The following PPP2R3A variants were observed in gnomAD, a reference collection of about 807,000 sequenced individuals.
PPP2R3A encodes serine/threonine-protein phosphatase 2A regulatory subunit B'' subunit alpha.
In PPP2R3A, 80 loss-of-function variants were observed where a neutral mutation model predicts 106.9. The ratio of observed to expected loss-of-function variants is 0.75; its 90% CI spans 0.62 to 0.90. The LOEUF (loss-of-function observed/expected upper bound fraction) is 0.90. Among genes scored for constraint, PPP2R3A ranks in the 40% least tolerant of loss-of-function variants. PPP2R3A has a pLI of 0.00. For missense variants in PPP2R3A, 1,386 were observed against 1,350.4 expected (o/e 1.03, Z -0.41); for synonymous variants, 483 against 468.3 (o/e 1.03, Z -0.41).
At chr3:135,994,299 A>G (rs565180993) in intron 1 of PPP2R3A, among the ~76,000 whole-genome samples, 26 of 152,118 alleles carry the variant, frequency 1.7e-4, no homozygotes, top group Non-Finnish European at 2.6e-4. Context: ...TTTATTTTCA[A>G]TCCTTTACCA....
intron 2 of PPP2R3A, among the ~76,000 whole-genome samples, chr3:136,010,512 C>T (rs575326919): frequency 8.9e-5 from 13 of 146,646 alleles, no homozygotes; most frequent in Non-Finnish European, 1.6e-4. Flanking sequence ...CTGCAAGCTC[C>T]GCCTCCCGGG....
rs567356233 is a variant in PPP2R3A, at chr3:136,112,648, A to C, written c.3329+6326A>C. On this transcript the variant is annotated intron_variant, in intron 13 of 13. Transcript: ENST00000264977. Reference sequence around the variant, plus strand: ...AATCACAGACAACATTAAAAAATGGAAAAACATTCTATGCTCATGGATAGC... The same window carrying C: ...AATCACAGACAACATTAAAAAATGGCAAAACATTCTATGCTCATGGATAGC... Among the ~76,000 whole-genome samples the C allele has an allele frequency of 6.6e-5, 10 of 152,350 alleles. No individual in the cohort carries two copies. The East Asian group carries it at 1.9e-3, about 29-fold the overall frequency.
intron 10 of PPP2R3A, among the ~76,000 whole-genome samples, chr3:136,094,461 C>A (rs1937170797): frequency 6.6e-6 from 1 of 152,034 alleles, no homozygotes; most frequent in Non-Finnish European, 1.5e-5. Flanking sequence ...ATGTAGAAAT[C>A]AATATGAGAA....
intron 3 of PPP2R3A, among the ~76,000 whole-genome samples, chr3:136,032,538 T>A (rs1054194047): frequency 3.2e-4 from 48 of 151,352 alleles, no homozygotes; most frequent in African/African-American, 7.3e-4. Flanking sequence ...TTATTTTTTT[T>A]TTTTCCTGAG....
intron 3 of PPP2R3A, 41 bp downstream of exon 3, chr3:136,027,139 A>G: frequency 2.6e-6 from 4 of 1,543,826 alleles, no homozygotes; most frequent in Non-Finnish European, 3.5e-6. Context: ...CCCCTTCTTT[A>G]GAAACCCTGA....
chr3:136,086,666 A>G (rs1356297592), intron 8 of PPP2R3A, among the ~76,000 whole-genome samples: 1 of 152,160 alleles, frequency 6.6e-6, no homozygotes, highest in Non-Finnish European at 1.5e-5. Context: ...ATCTAGTACA[A>G]ATTAACCCCA....
chr3:136,053,385 G>A (rs899589858), intron 5 of PPP2R3A, among the ~76,000 whole-genome samples: 1 of 152,074 alleles, frequency 6.6e-6, no homozygotes, highest in Non-Finnish European at 1.5e-5. Context: ...AAAAATAAGT[G>A]ACCAGAAGTA....
intron 5 of PPP2R3A, chr3:136,055,730 T>C: frequency 1.4e-6 from 1 of 700,980 alleles, no homozygotes; most frequent in Non-Finnish European, 2.5e-6. Flanking sequence ...ATACCACTAC[T>C]TGGGAAATCA....
chr3:136,076,706 T>C (rs1936607602), intron 6 of PPP2R3A, among the ~76,000 whole-genome samples: 1 of 152,136 alleles, frequency 6.6e-6, no homozygotes, highest in South Asian at 2.1e-4. Flanking sequence ...CCCAGCACTT[T>C]GGGAGGCCGA....
intron 5 of PPP2R3A, among the ~76,000 whole-genome samples, chr3:136,060,467 G>A (rs754304793): frequency 3.9e-5 from 6 of 152,164 alleles, no homozygotes; most frequent in Non-Finnish European, 8.8e-5. Context: ...GTTTCTAATG[G>A]TTTAGCACCA....
At chr3:136,064,586 TAAATAA>T (rs1317611845) in intron 5 of PPP2R3A, among the ~76,000 whole-genome samples, 1 of 152,054 alleles carries the variant, frequency 6.6e-6, no homozygotes, top group East Asian at 1.9e-4. Flanking sequence ...AATTTTTGTG[TAAATAA>T]AAATGATTTC....
chr3:135,981,980 T>C (rs1346720262), intron 1 of PPP2R3A, among the ~76,000 whole-genome samples: 1 of 151,780 alleles, frequency 6.6e-6, no homozygotes, highest in African/African-American at 2.4e-5. Flanking sequence ...GCTTGCAGAA[T>C]GACTGGAGTT....
intron 2 of PPP2R3A, among the ~76,000 whole-genome samples, chr3:136,016,560 A>G (rs996543370): frequency 1.3e-5 from 2 of 152,142 alleles, no homozygotes; most frequent in Non-Finnish European, 2.9e-5. Flanking sequence ...TTATCATTAT[A>G]TAATGTCCCT....
chr3:135,987,733 A>G (rs1479002697), intron 1 of PPP2R3A, among the ~76,000 whole-genome samples: 1 of 141,110 alleles, frequency 7.1e-6, no homozygotes, highest in Non-Finnish European at 1.6e-5. Flanking sequence ...TCAATTCGCC[A>G]TACTCTAGAT....
chr3:136,131,088 A>G (rs1938392966), intron 13 of PPP2R3A, among the ~76,000 whole-genome samples: 1 of 152,226 alleles, frequency 6.6e-6, no homozygotes, highest in Non-Finnish European at 1.5e-5. Context: ...ACCATTCAGG[A>G]CATAGGCATG....
Position 136,106,274 on chromosome 3 carries a change from A to T in PPP2R3A, c.3281A>T (p.Tyr1094Phe). The stretch of plus-strand genomic sequence containing the variant: ...TGGGACCGGTTTGCCGCTGAGGAGT[A>T]TGAGACGCTTGTTGCAGAGGAATCT... ...SDWDRFAAEE[Y>F]ETLVAEESAQ... The change falls in exon 13 of 14, where the codon TAT becomes TTT. Residue 1094 changes from tyrosine to phenylalanine, a missense_variant. Coordinates refer to ENST00000264977, the MANE Select transcript of PPP2R3A (RefSeq NM_002718.5). 6.2e-7 allele frequency: 1 copy of T among 1,613,836 alleles called. No individual in the cohort carries two copies. The highest frequency in any genetic ancestry group is 8.5e-7 in the Non-Finnish European group (1 of 1,179,942).
chr3:136,136,060 AAAAAAAAAAAAAATTAT>A lies in PPP2R3A; in HGVS notation c.3330-8981_3330-8965del, dbSNP rs1480876816. 6.1e-5 allele frequency among the ~76,000 whole-genome samples: 3 copies of A among 48,958 alleles called. 1 individual carries two copies. Among genetic ancestry groups the A allele is most frequent in the East Asian group, 8.7e-4 (1 of 1,146 alleles). The allele number at this position is 48,958 out of a possible 152,430, so 32.1% of individuals were successfully genotyped here. ...GACTCCGTCTCAAAAAAAAAAAAAAAAAAAAAAAAAAAATTATATATATATATATATATAAAAAACAT... is the reference window on the plus strand; with the variant it reads ...GACTCCGTCTCAAAAAAAAAAAAAAAATATATATATATATATAAAAAACAT... On this transcript the variant is annotated intron_variant, in intron 13 of 13. Transcript: ENST00000264977.
chr3:136,087,297 C>G (rs947089718), intron 8 of PPP2R3A, among the ~76,000 whole-genome samples: 1 of 148,644 alleles, frequency 6.7e-6, no homozygotes, highest in Non-Finnish European at 1.5e-5. Flanking sequence ...CTCTCTCTCT[C>G]TCACCAACAT....
intron 1 of PPP2R3A, among the ~76,000 whole-genome samples, chr3:135,988,641 C>T (rs2107770087): frequency 6.6e-6 from 1 of 152,230 alleles, no homozygotes; most frequent in South Asian, 2.1e-4. Flanking sequence ...GCCATGCTCC[C>T]ACCTCAGAAC....
Sources: allele counts gnomAD v4.1 joint callset (sites outside exome capture counted in the v4.1 genomes callset), GRCh38; gene constraint gnomAD v4.1.1; transcripts MANE v1.5; gene names NCBI Gene and HGNC (gene_info 2026-07-23, HGNC 2026-07-21).